DNAAF11: variants seen among roughly 807,000 people sequenced by gnomAD.
The protein encoded by DNAAF11 is dynein axonemal assembly factor 11.
Under a neutral mutation model 60.8 loss-of-function variants are expected in DNAAF11, and 45 were observed. The ratio of observed to expected loss-of-function variants is 0.74; its 90% confidence interval spans 0.58 to 0.95. DNAAF11 has a LOEUF of 0.95. DNAAF11 is among the 40% of genes least tolerant of loss of function. The pLI is 0.00. For missense variants in DNAAF11, 546 were observed against 546.2 expected, an observed-to-expected ratio of 1.00 and a Z score of 0.00; for synonymous variants, 191 against 183.5, an observed-to-expected ratio of 1.04 and a Z score of -0.33.
chr8:132,595,191 GCAGAAAAAGCA>G lies in DNAAF11; in HGVS notation c.1141-11423_1141-11413del, dbSNP rs1233322673. Among the ~76,000 whole-genome samples the G allele has an allele frequency of 2.6e-5, 4 of 152,056 alleles. No individual in the cohort carries two copies. In the South Asian group the frequency reaches 8.3e-4, roughly 32 times the overall value. ...AGAGAAAGGGGCAGAAATGCTCTTGGCAGAAAAAGCACAGAAAACACAAAAGTCCTGCCGGT... is the reference window on the plus strand; with the variant it reads ...AGAGAAAGGGGCAGAAATGCTCTTGGCAGAAAACACAAAAGTCCTGCCGGT... On this transcript the variant is annotated intron_variant, in intron 10 of 11. Coordinates refer to ENST00000620350, the MANE Select transcript of DNAAF11 (RefSeq NM_012472.6).
chr8:132,684,705 G>T, the DNAAF11 span, among the ~76,000 whole-genome samples: 1 of 152,252 alleles, frequency 6.6e-6, no homozygotes, highest in Admixed American at 6.5e-5. Flanking sequence ...CTTTCTCTTT[G>T]GTCAAGGACA....
chr8:132,695,943 G>A, the DNAAF11 span, among the ~76,000 whole-genome samples: 1 of 152,210 alleles, frequency 6.6e-6, no homozygotes, highest in African/African-American at 2.4e-5. Context: ...AAGTGAAAAG[G>A]TGTCAGGACC....
intron 2 of DNAAF11, among the ~76,000 whole-genome samples, chr8:132,659,478 G>C (rs1286672012): frequency 6.6e-6 from 1 of 152,160 alleles, no homozygotes; most frequent in Non-Finnish European, 1.5e-5. Context: ...ATTAGTAATT[G>C]TGATGGACCC....
intron 5 of DNAAF11, among the ~76,000 whole-genome samples, chr8:132,627,395 A>C (rs1215879724): frequency 6.6e-6 from 1 of 152,204 alleles, no homozygotes; most frequent in Non-Finnish European, 1.5e-5. Context: ...TTGATGAAAC[A>C]GAGTGAGCTC....
At chr8:132,621,052 T>C (rs1459229574) in intron 7 of DNAAF11, among the ~76,000 whole-genome samples, 2 of 151,210 alleles carry the variant, frequency 1.3e-5, no homozygotes, top group Non-Finnish European at 3.0e-5. Flanking sequence ...AGGGCTGGGG[T>C]TGAGGGTTGA....
chr8:132,685,070 C>T, the DNAAF11 span: 3 of 152,124 alleles, frequency 2.0e-5, no homozygotes, highest in African/African-American at 7.2e-5. Flanking sequence ...TTTTCTGGTA[C>T]TTCGTAGCAG....
In DNAAF11 at chr8:132,632,901, T is replaced by A; in HGVS notation, c.492A>T (p.Val164=). 2 of 1,613,946 alleles carry A rather than the reference T, an allele frequency of 1.2e-6. No homozygotes were observed. The highest frequency in any genetic ancestry group is 1.7e-6 in the Non-Finnish European group (2 of 1,179,902). Residue 164 remains valine, a synonymous_variant, in exon 5 of 12, where the codon GTA becomes GTT. Coordinates refer to ENST00000620350, the MANE Select transcript of DNAAF11 (RefSeq NM_012472.6). ...ERIKALQDYS[V]IEPQIREQEK... is the part of the protein sequence containing the mutation. Reference sequence around the variant, plus strand: ...CCTGCTCTCTGATTTGTGGTTCAATTACTGAATAGTCCTGCAATGCCTTAA... The same window carrying A: ...CCTGCTCTCTGATTTGTGGTTCAATAACTGAATAGTCCTGCAATGCCTTAA...
intron 6 of DNAAF11, among the ~76,000 whole-genome samples, chr8:132,623,333 G>GA (rs1819943279): frequency 6.6e-6 from 1 of 151,544 alleles, no homozygotes; most frequent in East Asian, 1.9e-4. Flanking sequence ...TATTTAGTGA[G>GA]AAAAAATATA....
chr8:132,594,767 T>C (rs1003587280), intron 10 of DNAAF11, among the ~76,000 whole-genome samples: 2 of 152,148 alleles, frequency 1.3e-5, no homozygotes, highest in Non-Finnish European at 2.9e-5. Flanking sequence ...GAGTGTAAGT[T>C]TCCTGAGGCC....
intron 5 of DNAAF11, among the ~76,000 whole-genome samples, chr8:132,627,933 CCTCCAAGTGTACTGTT>C (rs1284459646): frequency 6.6e-6 from 1 of 152,166 alleles, no homozygotes; most frequent in African/African-American, 2.4e-5. Flanking sequence ...CTACAAGAGT[CCTCCAAGTGTACTGTT>C]CACTGTAGAG....
chr8:132,585,154 C>A (rs997284440), intron 10 of DNAAF11, among the ~76,000 whole-genome samples: 3 of 152,012 alleles, frequency 2.0e-5, no homozygotes, highest in African/African-American at 4.8e-5. Flanking sequence ...GAAATGATTC[C>A]CCATCTGAGA....
At chr8:132,658,192 T>C (rs2130789167) in intron 2 of DNAAF11, among the ~76,000 whole-genome samples, 1 of 152,356 alleles carries the variant, frequency 6.6e-6, no homozygotes, top group East Asian at 1.9e-4. Flanking sequence ...TTATGCATTG[T>C]TTAAATGGAG....
chr8:132,610,813 C>A (rs990581561), intron 9 of DNAAF11, among the ~76,000 whole-genome samples: 2 of 152,190 alleles, frequency 1.3e-5, no homozygotes, highest in Admixed American at 1.3e-4. Context: ...ATACCACTCC[C>A]ATGATACAAA....
chr8:132,668,672 G>A (rs1824880042), intron 1 of DNAAF11, among the ~76,000 whole-genome samples: 1 of 151,936 alleles, frequency 6.6e-6, no homozygotes, highest in African/African-American at 2.4e-5. Flanking sequence ...TCGATCTCTT[G>A]ACCTCATGTT....
At chr8:132,617,189 T>C (rs952043139) in intron 7 of DNAAF11, among the ~76,000 whole-genome samples, 5 of 151,998 alleles carry the variant, frequency 3.3e-5, no homozygotes, top group Non-Finnish European at 7.4e-5. Flanking sequence ...TGGATCGAGT[T>C]GGGAGAAATG....
chr8:132,673,069 GGAGAGA>G (rs1307014833), intron 1 of DNAAF11, among the ~76,000 whole-genome samples: 4 of 152,158 alleles, frequency 2.6e-5, no homozygotes, highest in Admixed American at 2.0e-4. Flanking sequence ...GAAGCACGGG[GGAGAGA>G]GAACATGTAA....
chr8:132,611,800 A>G (rs367694052), intron 8 of DNAAF11, among the ~76,000 whole-genome samples: 20 of 151,960 alleles, frequency 1.3e-4, no homozygotes, highest in Non-Finnish European at 2.1e-4. Flanking sequence ...CCCTAATACT[A>G]TCTCTCCTGG....
chr8:132,681,003 C>CTTTTTTTTTTTTTTT, the DNAAF11 span, among the ~76,000 whole-genome samples: 10 of 52,338 alleles, frequency 1.9e-4, 2 homozygotes, highest in Non-Finnish European at 2.1e-4. Flanking sequence ...ATAACTATTC[C>CTTTTTTTTTTTTTTT]TTTTTTTTTT....
intron 1 of DNAAF11, among the ~76,000 whole-genome samples, chr8:132,670,335 ATAT>A (rs371124330): frequency 2.4e-3 from 372 of 152,326 alleles, no homozygotes; most frequent in African/African-American, 8.6e-3. Flanking sequence ...TATTCTACAG[ATAT>A]TATAGGTAAC....
Sources: gnomAD v4.1 joint callset for allele counts (sites outside exome capture counted in the v4.1 genomes callset) on GRCh38, gnomAD v4.1.1 for gene constraint, MANE v1.5 for transcripts, NCBI Gene and HGNC (gene_info 2026-07-23, HGNC 2026-07-21) for gene names.